The following KCNMA1 variants were observed in gnomAD, a reference collection of about 807,000 sequenced individuals.
KCNMA1 encodes potassium calcium-activated channel subfamily M alpha 1.
In KCNMA1, 29 loss-of-function variants were observed where a neutral mutation model predicts 140.0. The ratio of observed to expected loss-of-function variants is 0.21; its 90% CI spans 0.15 to 0.28. The LOEUF is 0.28. Ranked by LOEUF, KCNMA1 falls within the 10% of genes least tolerant of loss-of-function variation. The pLI is 1.00. For missense variants in KCNMA1, 880 were observed against 1,602.2 expected, an observed-to-expected ratio of 0.55 and a Z score of 7.70; for synonymous variants, 612 against 611.9, an observed-to-expected ratio of 1.00 and a Z score of 0.00.
intron 5 of KCNMA1, among the ~76,000 whole-genome samples, chr10:77,171,429 G>C (rs1597823143): frequency 6.9e-6 from 1 of 145,350 alleles, no homozygotes; most frequent in East Asian, 1.9e-4. Context: ...GTGTGTGTGT[G>C]TGTGTGTGTG....
chr10:76,936,881 T>C (rs2060705347), intron 23 of KCNMA1, among the ~76,000 whole-genome samples: 1 of 152,180 alleles, frequency 6.6e-6, no homozygotes, highest in Non-Finnish European at 1.5e-5. Context: ...GACAGTGCCG[T>C]TCAGGAAGGA....
At chr10:76,970,756 G>T (rs1465630969) in intron 19 of KCNMA1, 2 of 153,226 alleles carry the variant, frequency 1.3e-5, no homozygotes, top group African/African-American at 4.8e-5. Context: ...ACCGGGGCTG[G>T]TGAGGTTGGA....
chr10:77,469,885 G>A (rs946555601), intron 1 of KCNMA1, among the ~76,000 whole-genome samples: 6 of 152,200 alleles, frequency 3.9e-5, no homozygotes, highest in African/African-American at 1.2e-4. Context: ...CACAGTGGCC[G>A]GGAAGCCGCT....
intron 2 of KCNMA1, among the ~76,000 whole-genome samples, chr10:77,256,176 T>C (rs1331024072): frequency 6.6e-6 from 1 of 152,104 alleles, no homozygotes; most frequent in Admixed American, 6.5e-5. Context: ...TAGAGGTGAT[T>C]GAGTTGGGAA....
intron 16 of KCNMA1, among the ~76,000 whole-genome samples, chr10:77,026,001 ATAT>A (rs2093426358): frequency 3.2e-5 from 4 of 126,458 alleles, no homozygotes; most frequent in African/African-American, 5.8e-5. Flanking sequence ...AAAAAAAAAT[ATAT>A]ATATATATAT....
intron 1 of KCNMA1, among the ~76,000 whole-genome samples, chr10:77,611,336 C>T (rs1158374511): frequency 6.6e-6 from 1 of 152,208 alleles, no homozygotes; most frequent in African/African-American, 2.4e-5. Context: ...GCTGCAGCAG[C>T]CATGTGTGAA....
At chr10:77,052,127 A>G (rs115260706) in intron 14 of KCNMA1, among the ~76,000 whole-genome samples, 1,876 of 152,276 alleles carry the variant, frequency 0.012, 41 homozygotes, top group African/African-American at 0.041. Context: ...ATGGCTTCCT[A>G]TTGCTTAGCT....
intron 3 of KCNMA1, among the ~76,000 whole-genome samples, chr10:77,194,180 A>C (rs1291458594): frequency 1.3e-5 from 2 of 152,168 alleles, no homozygotes. Context: ...ATATTCATAC[A>C]GGGGATGGCA....
At chr10:77,534,846 G>A (rs1280160844) in intron 1 of KCNMA1, among the ~76,000 whole-genome samples, 1 of 152,102 alleles carries the variant, frequency 6.6e-6, no homozygotes, top group Non-Finnish European at 1.5e-5. Flanking sequence ...ACAACCCACA[G>A]CCTACAACCC....
intron 1 of KCNMA1, among the ~76,000 whole-genome samples, chr10:77,515,660 G>T (rs1374950514): frequency 6.6e-6 from 1 of 152,194 alleles, no homozygotes; most frequent in East Asian, 1.9e-4. Context: ...TGTACACCTT[G>T]CTGGTGCCAT....
At chr10:76,969,823 C>T (rs897545549) in intron 20 of KCNMA1, 151 bp downstream of exon 20, 1 of 672,830 alleles carries the variant, frequency 1.5e-6, no homozygotes. Flanking sequence ...ATACTCCAGC[C>T]TTTAAGAAGC....
In KCNMA1 at chr10:77,313,929, T is replaced by C. The variant is rs184645916; in HGVS notation, c.541-62673A>G. The C allele has an allele frequency of 3.3e-5, 5 of 152,320 alleles. No individual in the cohort carries two copies. The East Asian group carries it at 9.6e-4, about 29-fold the overall frequency. 9.4% of individuals were successfully genotyped at this position (152,320 alleles called of 1,614,324 possible). Reference sequence around the variant, plus strand: ...TGAATATAACCCAATCTGGTATTTTTAAAATCACAGGTTGCAACCTATTAG... The same window carrying C: ...TGAATATAACCCAATCTGGTATTTTCAAAATCACAGGTTGCAACCTATTAG... On this transcript the variant is annotated intron_variant, in intron 2 of 27. Coordinates refer to ENST00000286628, the MANE Select transcript of KCNMA1 (RefSeq NM_001161352.2).
chr10:77,231,351 C>T (rs139244225), intron 3 of KCNMA1, among the ~76,000 whole-genome samples: 6 of 152,186 alleles, frequency 3.9e-5, no homozygotes, highest in East Asian at 1.9e-4. Flanking sequence ...CTTTCTAAAG[C>T]GTGTGAGTTT....
chr10:77,235,929 T>C (rs1297700443), intron 3 of KCNMA1, among the ~76,000 whole-genome samples: 1 of 152,150 alleles, frequency 6.6e-6, no homozygotes, highest in Non-Finnish European at 1.5e-5. Context: ...GATAAAAGTG[T>C]CTTTTCCAGG....
intron 1 of KCNMA1, among the ~76,000 whole-genome samples, chr10:77,451,948 T>A (rs920648920): frequency 9.9e-5 from 15 of 152,220 alleles, no homozygotes; most frequent in Non-Finnish European, 1.5e-4. Context: ...CTGGCTTTGA[T>A]GAAACTCCCC....
At chr10:77,027,726 A>T in intron 16 of KCNMA1, 97 bp downstream of exon 16, 1 of 978,254 alleles carries the variant, frequency 1.0e-6, no homozygotes, top group Non-Finnish European at 1.7e-6. Context: ...CCATGCAGAT[A>T]AATAATGCAC....
intron 2 of KCNMA1, among the ~76,000 whole-genome samples, chr10:77,385,301 A>G (rs1180789564): frequency 6.6e-6 from 1 of 152,234 alleles, no homozygotes; most frequent in Non-Finnish European, 1.5e-5. Flanking sequence ...GCACAGGACA[A>G]AGAGGATTAT....
At chr10:77,280,000 C>T (rs1490468435) in intron 2 of KCNMA1, among the ~76,000 whole-genome samples, 2 of 152,156 alleles carry the variant, frequency 1.3e-5, no homozygotes, top group Admixed American at 6.5e-5. Context: ...CTAACACATG[C>T]CTCCCTTCGA....
chr10:77,120,007 G>A (rs1341942243), intron 6 of KCNMA1, among the ~76,000 whole-genome samples: 2 of 152,216 alleles, frequency 1.3e-5, no homozygotes, highest in African/African-American at 2.4e-5. Context: ...GTCCCAGCCT[G>A]TGTTACCAGG....
Sources: allele counts gnomAD v4.1 joint callset (sites outside exome capture counted in the v4.1 genomes callset), GRCh38; gene constraint gnomAD v4.1.1; transcripts MANE v1.5; gene names NCBI Gene and HGNC (gene_info 2026-07-23, HGNC 2026-07-21).